The following THSD7B variants were observed in gnomAD, a reference collection of about 807,000 sequenced individuals.
THSD7B encodes the protein thrombospondin type 1 domain containing 7B.
A neutral mutation model predicts 213.6 loss-of-function variants in THSD7B; 138 were observed. The ratio of observed to expected loss-of-function variants is 0.65; its 90% CI spans 0.56 to 0.74. THSD7B has a LOEUF of 0.74. Among genes scored for constraint, THSD7B ranks in the 30% least tolerant of loss-of-function variants. The pLI, the probability that THSD7B is intolerant of heterozygous loss-of-function variation, is 0.00. For missense variants in THSD7B, 1,931 were observed against 1,991.5 expected, an observed-to-expected ratio of 0.97 and a Z score of 0.58; for synonymous variants, 742 against 687.0, an observed-to-expected ratio of 1.08 and a Z score of -1.25.
At chr2:137,140,149 C>T (rs1679552299) in intron 5 of THSD7B, among the ~76,000 whole-genome samples, 1 of 152,004 alleles carries the variant, frequency 6.6e-6, no homozygotes, top group African/African-American at 2.4e-5. Context: ...AGTGCATACA[C>T]ACACACACTA....
intron 12 of THSD7B, among the ~76,000 whole-genome samples, chr2:137,314,297 A>T (rs555257929): frequency 6.6e-6 from 1 of 152,252 alleles, no homozygotes; most frequent in African/African-American, 2.4e-5. Context: ...AGTTGATCAC[A>T]TCGGCTCCTG....
At chr2:137,652,079 T>C (rs1453612871) in intron 21 of THSD7B, among the ~76,000 whole-genome samples, 2 of 152,098 alleles carry the variant, frequency 1.3e-5, no homozygotes, top group Non-Finnish European at 2.9e-5. Context: ...TTTGGTATAA[T>C]GTAGTTTAAC....
chr2:137,374,261 C>T (rs919167547), intron 12 of THSD7B, among the ~76,000 whole-genome samples: 1 of 152,130 alleles, frequency 6.6e-6, no homozygotes, highest in Non-Finnish European at 1.5e-5. Flanking sequence ...TTTAACTCCA[C>T]TTTTATTCTG....
At chr2:137,304,436 A>G (rs547631451) in intron 12 of THSD7B, among the ~76,000 whole-genome samples, 164 of 152,220 alleles carry the variant, frequency 1.1e-3, no homozygotes, top group African/African-American at 3.4e-3. Context: ...ATAAATTTTC[A>G]TATATAAATC....
At chr2:137,530,643 G>T (rs532624801) in intron 15 of THSD7B, among the ~76,000 whole-genome samples, 1 of 152,098 alleles carries the variant, frequency 6.6e-6, no homozygotes, top group East Asian at 1.9e-4. Context: ...AATTGGAAGT[G>T]CTAAAGGGGC....
chr2:136,807,454 C>G (rs1306542117), intron 1 of THSD7B, among the ~76,000 whole-genome samples: 1 of 147,566 alleles, frequency 6.8e-6, no homozygotes, highest in Non-Finnish European at 1.5e-5. Flanking sequence ...TTTGACATAC[C>G]CTTATCATTT....
chr2:137,408,631 T>C (rs1486253672), intron 13 of THSD7B, among the ~76,000 whole-genome samples: 1 of 152,230 alleles, frequency 6.6e-6, no homozygotes, highest in East Asian at 1.9e-4. Context: ...GATTTATTAT[T>C]TTACAGATCT....
At chr2:136,984,261 C>A (rs911244179) in intron 2 of THSD7B, among the ~76,000 whole-genome samples, 2 of 152,190 alleles carry the variant, frequency 1.3e-5, no homozygotes, top group Non-Finnish European at 2.9e-5. Flanking sequence ...GATGTTTGTC[C>A]TCTCCAAATC....
At chr2:137,439,322 T>C (rs1353096367) in intron 14 of THSD7B, among the ~76,000 whole-genome samples, 1 of 152,102 alleles carries the variant, frequency 6.6e-6, no homozygotes, top group Admixed American at 6.6e-5. Flanking sequence ...AAAGCCTTCT[T>C]TGTGTGAATT....
chr2:137,016,912 G>T lies in THSD7B; in HGVS notation c.140-39508G>T, dbSNP rs150817720. ...ACAATTCTTTACCCCAAATCCTTGG[G>T]GTCAGATGCTTTTCAAAATACAGAT... On this transcript the variant is annotated intron_variant, in intron 2 of 27. Transcript: ENST00000409968. Among the ~76,000 whole-genome samples the T allele has an allele frequency of 1.7e-4, 26 of 152,162 alleles. No homozygotes were observed. The East Asian group carries it at 4.8e-3, about 28-fold the overall frequency.
intron 7 of THSD7B, among the ~76,000 whole-genome samples, chr2:137,178,720 T>C (rs79073601): frequency 0.023 from 3,523 of 152,312 alleles, 78 homozygotes; most frequent in African/African-American, 0.054. Flanking sequence ...ATTTAAATGC[T>C]AAAGAGAGAG....
chr2:137,506,705 C>G (rs1679843449), intron 15 of THSD7B, among the ~76,000 whole-genome samples: 1 of 152,198 alleles, frequency 6.6e-6, no homozygotes, highest in Non-Finnish European at 1.5e-5. Context: ...TTTTACAGGG[C>G]TCTTTCAGGT....
At chr2:137,227,772 G>A (rs1681543240) in intron 7 of THSD7B, among the ~76,000 whole-genome samples, 1 of 152,082 alleles carries the variant, frequency 6.6e-6, no homozygotes, top group African/African-American at 2.4e-5. Context: ...CTATGAAACT[G>A]TTAATTGTCA....
chr2:136,837,420 A>T (rs997280617), intron 1 of THSD7B, among the ~76,000 whole-genome samples: 1 of 152,112 alleles, frequency 6.6e-6, no homozygotes, highest in African/African-American at 2.4e-5. Flanking sequence ...ACCCAGATAC[A>T]TGCATGACAT....
chr2:137,195,653 C>T (rs1322149059), intron 7 of THSD7B, among the ~76,000 whole-genome samples: 1 of 151,936 alleles, frequency 6.6e-6, no homozygotes, highest in Non-Finnish European at 1.5e-5. Flanking sequence ...TTAATAAATG[C>T]ATGAATAAAT....
chr2:137,597,121 A>G (rs936420410), intron 17 of THSD7B, among the ~76,000 whole-genome samples: 2 of 152,112 alleles, frequency 1.3e-5, no homozygotes, highest in African/African-American at 4.8e-5. Context: ...GGAGGTTAGT[A>G]TACTGGAGTA....
intron 20 of THSD7B, among the ~76,000 whole-genome samples, chr2:137,635,469 G>A (rs1442579802): frequency 6.6e-6 from 1 of 152,174 alleles, no homozygotes; most frequent in Non-Finnish European, 1.5e-5. Flanking sequence ...AACAGAAAGA[G>A]TCCAGGATAC....
intron 5 of THSD7B, among the ~76,000 whole-genome samples, chr2:137,145,742 CAT>C (rs1010611997): frequency 2.6e-5 from 4 of 152,112 alleles, no homozygotes; most frequent in East Asian, 3.9e-4. Flanking sequence ...TGTAGTTTTT[CAT>C]ATGTTATTTA....
intron 12 of THSD7B, among the ~76,000 whole-genome samples, chr2:137,318,786 C>CTTTTTTTTTTTTTTTTTTTTTTTT (rs70978212): frequency 1.4e-5 from 1 of 73,660 alleles, no homozygotes. Context: ...GAATGCTTAT[C>CTTTTTTTTTTTTTTTTTTTTTTTT]TTTTTTTTTT....
Sources: allele counts gnomAD v4.1 joint callset (sites outside exome capture counted in the v4.1 genomes callset), GRCh38; gene constraint gnomAD v4.1.1; transcripts MANE v1.5; gene names NCBI Gene and HGNC (gene_info 2026-07-23, HGNC 2026-07-21).